Variants in AGBL1 observed in about 807,000 individuals in gnomAD.
AGBL1 encodes AGBL carboxypeptidase 1.
A neutral mutation model predicts 118.9 loss-of-function variants in AGBL1; 130 were observed. That is an observed-to-expected ratio of 1.09 (90% confidence interval 0.95 to 1.26). The LOEUF (loss-of-function observed/expected upper bound fraction) is 1.26. AGBL1 is among the 50% of genes most tolerant of loss of function. The pLI is 0.00. For missense variants in AGBL1, 1,584 were observed against 1,298.1 expected (o/e 1.22, Z -3.38); for synonymous variants, 555 against 478.9 (o/e 1.16, Z -2.08).
intron 1 of AGBL1, among the ~76,000 whole-genome samples, chr15:86,089,755 A>G (rs553588699): frequency 2.6e-5 from 4 of 152,114 alleles, no homozygotes; most frequent in Non-Finnish European, 5.9e-5. Flanking sequence ...CCAGCCCTCT[A>G]AAGACAGAAT....
intron 21 of AGBL1, among the ~76,000 whole-genome samples, chr15:86,663,440 G>A (rs2085582853): frequency 2.0e-5 from 3 of 152,166 alleles, no homozygotes. Context: ...CAGGTCTAAA[G>A]AGATTACTCC....
intron 1 of AGBL1, among the ~76,000 whole-genome samples, chr15:86,082,159 C>T (rs1368912644): frequency 3.3e-5 from 5 of 152,178 alleles, no homozygotes; most frequent in African/African-American, 7.2e-5. Context: ...AACTCTGAAA[C>T]GCTTTTTAAA....
chr15:86,397,387 T>C lies in AGBL1; in HGVS notation c.2396T>C (p.Ile799Thr), dbSNP rs756401875. The C allele has an allele frequency of 6.2e-7, 1 of 1,605,410 alleles. No homozygotes were observed. Among genetic ancestry groups the C allele is most frequent in the Non-Finnish European group, 8.5e-7 (1 of 1,174,906 alleles). Residue 799 changes from isoleucine (I) to threonine (T), a missense_variant, in exon 18 of 23, where the codon ATC becomes ACC. Ile to Thr is a moderately conservative substitution (Grantham distance 89). Coordinates refer to ENST00000614907, the MANE Select transcript of AGBL1 (RefSeq NM_001386094.1). The stretch of plus-strand genomic sequence containing the variant: ...GCAGGACATCGTCCATATCAGGTGA[T>C]CACTGCTCGAGTTCATCCAGGAGAG... ...EQFRHRPYQV[I>T]TARVHPGESN... is the part of the protein sequence containing the mutation.
intron 5 of AGBL1, among the ~76,000 whole-genome samples, chr15:86,217,768 G>C (rs1162633222): frequency 6.6e-6 from 1 of 152,208 alleles, no homozygotes; most frequent in Admixed American, 6.5e-5. Context: ...GCAAGAGAAA[G>C]TGGTGTGGGA....
intron 15 of AGBL1, among the ~76,000 whole-genome samples, 167 bp from the exon 16 acceptor site, chr15:86,279,472 T>C (rs1432529877): frequency 1.3e-5 from 2 of 152,236 alleles, no homozygotes; most frequent in African/African-American, 2.4e-5. Flanking sequence ...AGTTTACTTG[T>C]ACATTTCCCT....
In AGBL1 at chr15:86,615,582, G is replaced by T; in HGVS notation, c.2995-58691G>T. Among the ~76,000 whole-genome samples, 1 of 152,204 alleles carries T rather than the reference G, an allele frequency of 6.6e-6. No individual in the cohort carries two copies. Among genetic ancestry groups the T allele is most frequent in the East Asian group, 1.9e-4 (1 of 5,194 alleles). On this transcript the variant is annotated intron_variant, in intron 21 of 22. Coordinates refer to ENST00000614907, the MANE Select transcript of AGBL1 (RefSeq NM_001386094.1). This position sits in a 1 kb window ranked among gnomAD's most constrained non-coding sequence, Gnocchi z 4.3. Reference sequence around the variant, plus strand: ...CCGGTGGAGATGGCACAGTGGAGAAGGCAATAAACCTTCCATGGACTTTGA... The same window carrying T: ...CCGGTGGAGATGGCACAGTGGAGAATGCAATAAACCTTCCATGGACTTTGA...
At chr15:87,017,195 T>G (rs2081615563) in intron 24 of AGBL1, among the ~76,000 whole-genome samples, 1 of 152,078 alleles carries the variant, frequency 6.6e-6, no homozygotes, top group Admixed American at 6.6e-5. Flanking sequence ...TGACTCAGCT[T>G]TTCCAGCCTG....
chr15:86,163,215 C>T (rs1224696595), intron 5 of AGBL1, among the ~76,000 whole-genome samples: 2 of 152,126 alleles, frequency 1.3e-5, no homozygotes, highest in African/African-American at 4.8e-5. Context: ...GGCGGGAGGA[C>T]CGCTTGAGGC....
At chr15:86,110,618 G>C (rs961581934) in intron 1 of AGBL1, among the ~76,000 whole-genome samples, 113 of 152,040 alleles carry the variant, frequency 7.4e-4, no homozygotes, top group Admixed American at 7.4e-3. Context: ...CTGTCCAAGG[G>C]CCAACTCTAG....
At chr15:86,651,057 C>G (rs1013364543) in intron 21 of AGBL1, among the ~76,000 whole-genome samples, 4 of 152,194 alleles carry the variant, frequency 2.6e-5, no homozygotes, top group African/African-American at 9.6e-5. Flanking sequence ...CTTTAAGACA[C>G]CCTTTCCTAT....
chr15:86,634,898 A>AT (rs143362830), intron 21 of AGBL1, among the ~76,000 whole-genome samples: 17,883 of 151,784 alleles, frequency 0.12, 1,204 homozygotes, highest in African/African-American at 0.15. Flanking sequence ...TCTAAAAGAC[A>AT]TTTTTTTTCT....
intron 18 of AGBL1, among the ~76,000 whole-genome samples, chr15:86,508,232 CTTT>C (rs2142172515): frequency 1.3e-5 from 2 of 151,986 alleles, no homozygotes; most frequent in South Asian, 4.1e-4. Flanking sequence ...TGTGATTTGC[CTTT>C]TAATTTCCTG....
intron 17 of AGBL1, among the ~76,000 whole-genome samples, chr15:86,383,247 T>TAAAAAA (rs4035838): frequency 2.9e-4 from 16 of 54,474 alleles, no homozygotes; most frequent in South Asian, 1.0e-3. Context: ...ATTCAGTATG[T>TAAAAAA]AAAAAAAAAA....
chr15:86,656,555 A>G (rs2085464173), intron 21 of AGBL1, among the ~76,000 whole-genome samples: 1 of 152,152 alleles, frequency 6.6e-6, no homozygotes, highest in African/African-American at 2.4e-5. Context: ...AGACTTTGGT[A>G]GTGCACTCCT....
rs182027607 is a variant in AGBL1, at chr15:86,582,051, T to C, written c.2994+27514T>C. 2.0e-3 allele frequency among the ~76,000 whole-genome samples: 305 copies of C among 152,284 alleles called. 1 individual carries two copies. Among genetic ancestry groups the C allele is most frequent in the Non-Finnish European group, 2.4e-3 (162 of 68,006 alleles). ...TTTTTGGTAGTAGAGGCTGACATTG[T>C]AGGATATTTAGCTGCATCCCTGGCC... On this transcript the variant is annotated intron_variant, in intron 21 of 22. Transcript: ENST00000614907.
chr15:86,774,542 A>G (rs1272255743), intron 22 of AGBL1, among the ~76,000 whole-genome samples: 1 of 152,060 alleles, frequency 6.6e-6, no homozygotes, highest in African/African-American at 2.4e-5. Context: ...GAATAAATCA[A>G]TAAAGTAATT....
chr15:86,774,758 C>A (rs1398077586), intron 22 of AGBL1, among the ~76,000 whole-genome samples: 1 of 151,856 alleles, frequency 6.6e-6, no homozygotes, highest in Non-Finnish European at 1.5e-5. Flanking sequence ...TGTATCAAGG[C>A]CAGGAGACAC....
In AGBL1 at chr15:86,582,404, G is replaced by T. The variant is rs568066231; in HGVS notation, c.2994+27867G>T. 4.6e-5 allele frequency among the ~76,000 whole-genome samples: 7 copies of T among 152,220 alleles called. No individual in the cohort carries two copies. The East Asian group carries it at 1.4e-3, about 29-fold the overall frequency. ...AGTTTAAAAGTTATTTACACTGTTGGTGGGGCTATAAACACAATGGGAGTT... is the reference window on the plus strand; with the variant it reads ...AGTTTAAAAGTTATTTACACTGTTGTTGGGGCTATAAACACAATGGGAGTT... On this transcript the variant is annotated intron_variant, in intron 21 of 22. Transcript: ENST00000614907.
intron 22 of AGBL1, among the ~76,000 whole-genome samples, chr15:86,718,130 T>C (rs2086664842): frequency 6.6e-6 from 1 of 152,118 alleles, no homozygotes; most frequent in South Asian, 2.1e-4. Context: ...ATTATTAATA[T>C]TGGCTGTGTA....
Sources: allele counts gnomAD v4.1 joint callset (sites outside exome capture counted in the v4.1 genomes callset), GRCh38; gene constraint gnomAD v4.1.1; non-coding constraint Gnocchi (gnomAD v3.1); transcripts MANE v1.5; gene names NCBI Gene and HGNC (gene_info 2026-07-23, HGNC 2026-07-21).